GALNT13: variants seen among roughly 807,000 people sequenced by gnomAD.
GALNT13 encodes the protein polypeptide N-acetylgalactosaminyltransferase 13, also known as UDP-GalNAc:polypeptide N-acetylgalactosaminyltransferase 13.
Under a neutral mutation model 64.2 loss-of-function variants are expected in GALNT13, and 28 were observed. That is an observed-to-expected ratio of 0.44 (90% CI 0.32 to 0.60). The LOEUF (loss-of-function observed/expected upper bound fraction) is 0.60, where lower values mean the gene tolerates loss of function less well. GALNT13 is among the 20% of genes least tolerant of loss of function. The pLI, the probability that GALNT13 is intolerant of heterozygous loss-of-function variation, is 0.05. For missense variants in GALNT13, 577 were observed against 669.8 expected (o/e 0.86, Z 1.53); for synonymous variants, 214 against 224.6 (o/e 0.95, Z 0.42).
At chr2:153,144,594 T>A in the GALNT13 span, among the ~76,000 whole-genome samples, 1 of 152,016 alleles carries the variant, frequency 6.6e-6, no homozygotes, top group Admixed American at 6.6e-5. Context: ...GAAGAAAGAA[T>A]AATTGGTTCT....
At chr2:153,544,677 G>C in the GALNT13 span, among the ~76,000 whole-genome samples, 1 of 152,174 alleles carries the variant, frequency 6.6e-6, no homozygotes, top group Non-Finnish European at 1.5e-5. Flanking sequence ...ATTTAGAATT[G>C]ACTTGGAAAA....
chr2:153,638,301 G>A, the GALNT13 span, among the ~76,000 whole-genome samples: 4 of 152,110 alleles, frequency 2.6e-5, no homozygotes, highest in Non-Finnish European at 5.9e-5. Flanking sequence ...AATCTGACTT[G>A]TTTGTAAACA....
chr2:153,866,111 T>G, the GALNT13 span, among the ~76,000 whole-genome samples: 7 of 107,094 alleles, frequency 6.5e-5, no homozygotes, highest in Middle Eastern at 8.3e-3. Flanking sequence ...AATTGAACAA[T>G]GAGATCACAT....
chr2:153,485,203 T>C, the GALNT13 span, among the ~76,000 whole-genome samples: 2 of 152,350 alleles, frequency 1.3e-5, no homozygotes, highest in East Asian at 3.9e-4. Flanking sequence ...ATTTATAATG[T>C]CTTCTTTTAT....
At chr2:154,072,625 A>G (rs192559859) in intron 3 of GALNT13, among the ~76,000 whole-genome samples, 32 of 152,130 alleles carry the variant, frequency 2.1e-4, no homozygotes, top group African/African-American at 7.2e-4. Flanking sequence ...AGATTACAAA[A>G]TGTTTTGAAA....
chr2:153,207,062 C>A, the GALNT13 span, among the ~76,000 whole-genome samples: 4 of 152,048 alleles, frequency 2.6e-5, no homozygotes, highest in Admixed American at 2.6e-4. Flanking sequence ...ATACTTAATA[C>A]TATCCACTGT....
At chr2:153,427,699 C>T in the GALNT13 span, among the ~76,000 whole-genome samples, 1 of 152,116 alleles carries the variant, frequency 6.6e-6, no homozygotes, top group East Asian at 1.9e-4. Flanking sequence ...AGGTATTAGA[C>T]TATTTTTTAA....
At chr2:153,954,167 ATAAAT>A (rs372972188) in intron 3 of GALNT13, among the ~76,000 whole-genome samples, 30 of 152,340 alleles carry the variant, frequency 2.0e-4, no homozygotes, top group African/African-American at 6.5e-4. Context: ...AATTAAAGCA[ATAAAT>A]TAAATTAAAG....
intron 4 of GALNT13, among the ~76,000 whole-genome samples, chr2:154,140,878 CATT>C (rs1683221617): frequency 6.6e-6 from 1 of 152,056 alleles, no homozygotes; most frequent in Non-Finnish European, 1.5e-5. Flanking sequence ...GAAAATATGT[CATT>C]AGGCAATTTT....
At chr2:153,537,343 C>A in the GALNT13 span, among the ~76,000 whole-genome samples, 1 of 152,140 alleles carries the variant, frequency 6.6e-6, no homozygotes, top group East Asian at 1.9e-4. Flanking sequence ...CTGTGTCAAC[C>A]ACCAGGCAAG....
In GALNT13 at chr2:154,242,887, C is replaced by A; in HGVS notation, c.668C>A (p.Ala223Glu). The change falls in exon 6 of 13, where the codon GCA becomes GAA. Residue 223 changes from alanine (A) to glutamate (E), a missense_variant. Around this residue, in one of 3 missense-constraint regions of GALNT13, gnomAD observed 341 missense variants for 379.3 expected, o/e 0.90. Coordinates refer to ENST00000392825, the MANE Select transcript of GALNT13 (RefSeq NM_052917.4). ...CTLGWLEPLL[A>E]RIKEDRKTVV... ...TTAGGATGGCTGGAGCCTTTGCTGG[C>A]AAGAATAAAGGAAGACAGGTAAGAA... 6.2e-7 allele frequency: 1 copy of A among 1,613,954 alleles called. No homozygotes were observed. The highest frequency in any genetic ancestry group is 8.5e-7 in the Non-Finnish European group (1 of 1,179,922).
At chr2:153,764,118 T>A in the GALNT13 span, among the ~76,000 whole-genome samples, 1 of 152,160 alleles carries the variant, frequency 6.6e-6, no homozygotes, top group Non-Finnish European at 1.5e-5. Context: ...GAAGTAAAGG[T>A]CACTGTTGCT....
chr2:154,325,690 CACAA>C (rs1694841203), intron 9 of GALNT13, among the ~76,000 whole-genome samples: 1 of 151,816 alleles, frequency 6.6e-6, no homozygotes, highest in African/African-American at 2.4e-5. Context: ...TAATGTATGT[CACAA>C]ACAAGAGTAA....
the GALNT13 span, among the ~76,000 whole-genome samples, chr2:153,342,645 G>A: frequency 2.0e-5 from 3 of 152,180 alleles, no homozygotes. Context: ...GTAAAGAAAT[G>A]ACTGGAGTTG....
At chr2:153,182,901 T>G in the GALNT13 span, among the ~76,000 whole-genome samples, 1 of 152,200 alleles carries the variant, frequency 6.6e-6, no homozygotes, top group South Asian at 2.1e-4. Flanking sequence ...TTTGCTATTG[T>G]GAATAGTGCT....
the GALNT13 span, among the ~76,000 whole-genome samples, chr2:153,292,260 G>A: frequency 5.6e-3 from 853 of 151,978 alleles, 5 homozygotes; most frequent in Middle Eastern, 0.014. Flanking sequence ...GGGCAAAAGC[G>A]CCATCTATGT....
At chr2:154,188,245 T>A (rs1329832026) in intron 4 of GALNT13, among the ~76,000 whole-genome samples, 1 of 151,990 alleles carries the variant, frequency 6.6e-6, no homozygotes, top group East Asian at 1.9e-4. Context: ...TGATAAGAGG[T>A]CGGAGTAAGG....
At chr2:153,302,658 G>A in the GALNT13 span, among the ~76,000 whole-genome samples, 1 of 152,010 alleles carries the variant, frequency 6.6e-6, no homozygotes, top group Non-Finnish European at 1.5e-5. Context: ...ATTTTCCCGT[G>A]TTTTCTTCTA....
chr2:153,258,581 G>A, the GALNT13 span, among the ~76,000 whole-genome samples: 54 of 152,112 alleles, frequency 3.6e-4, no homozygotes, highest in Non-Finnish European at 6.6e-4. Context: ...TTGTTTTGAT[G>A]TAGGTGCTTA....
Sources: allele counts gnomAD v4.1 joint callset (sites outside exome capture counted in the v4.1 genomes callset), GRCh38; gene constraint gnomAD v4.1.1; regional missense constraint gnomAD v4.1.1; transcripts MANE v1.5; gene names NCBI Gene and HGNC (gene_info 2026-07-23, HGNC 2026-07-21).